NKAIN2: variants seen among roughly 807,000 people sequenced by gnomAD.
The protein encoded by NKAIN2 is sodium/potassium transporting ATPase interacting 2.
Under a neutral mutation model 32.6 loss-of-function variants are expected in NKAIN2, and 14 were observed. The observed-to-expected ratio is 0.43, with a 90% CI of 0.28 to 0.67. The LOEUF (loss-of-function observed/expected upper bound fraction) is 0.67. NKAIN2 is among the 30% of genes least tolerant of loss of function. The probability of loss-of-function intolerance (pLI) is 0.17; values close to 1 mark genes in which losing one functional copy is unlikely to be tolerated. For missense variants in NKAIN2, 198 were observed against 258.3 expected, an observed-to-expected ratio of 0.77 and a Z score of 1.60; for synonymous variants, 80 against 87.2, an observed-to-expected ratio of 0.92 and a Z score of 0.46.
chr6:124,350,753 CCTT>C (rs1405161288), intron 2 of NKAIN2, among the ~76,000 whole-genome samples: 1 of 152,172 alleles, frequency 6.6e-6, no homozygotes, highest in African/African-American at 2.4e-5. Context: ...ATGTACATAT[CCTT>C]CTGAATTACT....
At chr6:124,219,316 C>T (rs1163227707) in intron 1 of NKAIN2, among the ~76,000 whole-genome samples, 4 of 147,214 alleles carry the variant, frequency 2.7e-5, no homozygotes, top group East Asian at 2.0e-4. Context: ...CTTGCTCTGT[C>T]GCCCAGGCTG....
intron 3 of NKAIN2, among the ~76,000 whole-genome samples, chr6:124,539,043 T>TGG (rs1169735646): frequency 2.0e-5 from 3 of 152,196 alleles, no homozygotes; most frequent in Admixed American, 1.3e-4. Flanking sequence ...ATTAATTTCA[T>TGG]TTGAAATGAA....
At chr6:124,092,395 A>C (rs1382121805) in intron 1 of NKAIN2, among the ~76,000 whole-genome samples, 2 of 152,028 alleles carry the variant, frequency 1.3e-5, no homozygotes, top group Non-Finnish European at 2.9e-5. Flanking sequence ...ATAAGGAACA[A>C]TTTTCTATAA....
At chr6:123,931,640 A>G (rs1042858301) in intron 1 of NKAIN2, among the ~76,000 whole-genome samples, 1 of 151,840 alleles carries the variant, frequency 6.6e-6, no homozygotes, top group Non-Finnish European at 1.5e-5. Flanking sequence ...TTTTTCTTTC[A>G]TCCTTTCTTC....
intron 2 of NKAIN2, among the ~76,000 whole-genome samples, chr6:124,340,879 G>A (rs531867422): frequency 3.3e-5 from 5 of 152,278 alleles, no homozygotes; most frequent in East Asian, 1.9e-4. Flanking sequence ...CACCAGTAAA[G>A]GCAAGCAATT....
chr6:124,036,358 C>G (rs1004547134), intron 1 of NKAIN2, among the ~76,000 whole-genome samples: 3 of 152,094 alleles, frequency 2.0e-5, no homozygotes, highest in African/African-American at 7.2e-5. Context: ...TTGTTTTCAT[C>G]CCCTAACCAC....
chr6:124,718,215 A>G (rs1458173151), intron 4 of NKAIN2, among the ~76,000 whole-genome samples: 1 of 152,128 alleles, frequency 6.6e-6, no homozygotes, highest in Non-Finnish European at 1.5e-5. Context: ...GAAACCCTGT[A>G]CCCATTCGCC....
At chr6:124,610,531 C>T (rs1488333540) in intron 3 of NKAIN2, among the ~76,000 whole-genome samples, 1 of 152,028 alleles carries the variant, frequency 6.6e-6, no homozygotes, top group African/African-American at 2.4e-5. Context: ...TTTATGCTAC[C>T]ACTTCTCTCT....
chr6:124,051,003 C>G (rs1782374445), intron 1 of NKAIN2, among the ~76,000 whole-genome samples: 1 of 152,002 alleles, frequency 6.6e-6, no homozygotes, highest in South Asian at 2.1e-4. Context: ...AAGGATACAC[C>G]TTTGAAGTAA....
At chr6:124,083,712 C>T (rs1784072321) in intron 1 of NKAIN2, among the ~76,000 whole-genome samples, 1 of 151,994 alleles carries the variant, frequency 6.6e-6, no homozygotes, top group South Asian at 2.1e-4. Flanking sequence ...TGGTCTTGGT[C>T]TGTACAGTTA....
intron 1 of NKAIN2, among the ~76,000 whole-genome samples, chr6:124,268,886 C>T (rs1475064768): frequency 1.3e-5 from 2 of 151,966 alleles, no homozygotes; most frequent in Admixed American, 6.6e-5. Context: ...TTCTCTCTGC[C>T]TCAGTTTTCT....
chr6:123,833,815 C>T (rs1160617461), intron 1 of NKAIN2, among the ~76,000 whole-genome samples: 1 of 150,934 alleles, frequency 6.6e-6, no homozygotes, highest in Non-Finnish European at 1.5e-5. Flanking sequence ...GCAACCTCCA[C>T]TTCCCGGGTT....
chr6:123,981,077 C>T (rs971731306), intron 1 of NKAIN2, among the ~76,000 whole-genome samples: 5 of 152,056 alleles, frequency 3.3e-5, no homozygotes, highest in Non-Finnish European at 5.9e-5. Flanking sequence ...CCATGTTGGC[C>T]AGGATGGTCT....
chr6:124,270,884 C>T (rs985691087), intron 1 of NKAIN2, among the ~76,000 whole-genome samples: 54 of 152,144 alleles, frequency 3.5e-4, no homozygotes, highest in African/African-American at 1.1e-3. Context: ...ACACCTGGGC[C>T]TTCTTGGGTG....
Position 124,626,080 on chromosome 6 carries a change from C to T in NKAIN2, c.274-32106C>T, listed in dbSNP as rs534925928. ...TTAGCATTAGGTATATCTCCTAATG[C>T]TATCCCTCCCCACTCCCCACACCCC... On this transcript the variant is annotated intron_variant, in intron 3 of 6. Transcript: ENST00000368417. 5.9e-4 allele frequency among the ~76,000 whole-genome samples: 76 copies of T among 128,098 alleles called. 1 individual carries two copies. The highest frequency in any genetic ancestry group is 2.0e-3 in the African/African-American group (71 of 36,042). 84.0% of individuals were successfully genotyped at this position (128,098 alleles called of 152,430 possible).
At chr6:124,490,418 T>TTG (rs1554216262) in intron 3 of NKAIN2, 4 of 413,190 alleles carry the variant, frequency 9.7e-6, no homozygotes, top group South Asian at 1.8e-5. Flanking sequence ...AGAGGTTTTT[T>TTG]TTTTTTTTTT....
At chr6:124,132,718 C>T (rs1190630658) in intron 1 of NKAIN2, among the ~76,000 whole-genome samples, 2 of 152,218 alleles carry the variant, frequency 1.3e-5, no homozygotes, top group Non-Finnish European at 2.9e-5. Context: ...CCCCCAGCCA[C>T]CTCCACCAGG....
intron 3 of NKAIN2, among the ~76,000 whole-genome samples, chr6:124,529,594 C>A (rs1472124589): frequency 6.6e-6 from 1 of 152,124 alleles, no homozygotes; most frequent in Non-Finnish European, 1.5e-5. Flanking sequence ...TTGGCCAGGT[C>A]GGATCACATG....
intron 3 of NKAIN2, among the ~76,000 whole-genome samples, chr6:124,458,626 GA>G (rs1342563350): frequency 2.0e-5 from 3 of 151,630 alleles, no homozygotes; most frequent in African/African-American, 7.3e-5. Context: ...AAAACACATA[GA>G]AAAAAATAAA....
Sources: gnomAD v4.1 joint callset for allele counts (sites outside exome capture counted in the v4.1 genomes callset) on GRCh38, gnomAD v4.1.1 for gene constraint, MANE v1.5 for transcripts, NCBI Gene and HGNC (gene_info 2026-07-23, HGNC 2026-07-21) for gene names.